The following RBFOX3 variants were observed in gnomAD, a reference collection of about 807,000 sequenced individuals.
RBFOX3 encodes RNA binding protein fox-1 homolog 3.
In RBFOX3, 17 loss-of-function variants were observed where a neutral mutation model predicts 48.7. The observed-to-expected ratio is 0.35, with a 90% CI of 0.24 to 0.52. The LOEUF (loss-of-function observed/expected upper bound fraction) is 0.52, where lower values mean the gene tolerates loss of function less well. RBFOX3 is among the 20% of genes least tolerant of loss of function. The probability of loss-of-function intolerance (pLI) is 0.94; values close to 1 mark genes in which losing one functional copy is unlikely to be tolerated. For synonymous variants in RBFOX3, 212 were observed against 209.5 expected, an observed-to-expected ratio of 1.01 and a Z score of -0.10; for missense variants, 382 against 497.5, an observed-to-expected ratio of 0.77 and a Z score of 2.21.
intron 4 of RBFOX3, among the ~76,000 whole-genome samples, chr17:79,121,720 T>A (rs947095653): frequency 1.6e-4 from 25 of 152,200 alleles, no homozygotes; most frequent in African/African-American, 6.0e-4. Context: ...GGAAGCTTCA[T>A]CTGCATTGCT....
At chr17:79,656,036 C>T in the RBFOX3 span, among the ~76,000 whole-genome samples, 1 of 152,162 alleles carries the variant, frequency 6.6e-6, no homozygotes, top group African/African-American at 2.4e-5. Flanking sequence ...GGCTGGGCTC[C>T]CCGTCCCTGC....
At position 79,413,589 on chromosome 17, in the gene RBFOX3, G is replaced by A. The variant is rs535283979; in HGVS notation, c.-175+68865C>T. Among the ~76,000 whole-genome samples, 42 of 152,378 alleles carry A rather than the reference G, an allele frequency of 2.8e-4. 1 individual carries two copies. In the South Asian group the frequency reaches 7.9e-3, roughly 29 times the overall value. On this transcript the variant is annotated intron_variant, in intron 2 of 14. Transcript: ENST00000693108. The stretch of plus-strand genomic sequence containing the variant: ...GGAGCAGGTTTCCACCTGGAGCGTG[G>A]AGACTCTGAAGCCAGTGGGAAGGAG...
chr17:79,590,398 A>G (rs1430863448), intron 1 of RBFOX3, among the ~76,000 whole-genome samples: 1 of 152,222 alleles, frequency 6.6e-6, no homozygotes, highest in Non-Finnish European at 1.5e-5. Context: ...TAAAAGGCAC[A>G]TGGATATTCC....
intron 2 of RBFOX3, among the ~76,000 whole-genome samples, chr17:79,442,007 T>G (rs1390494308): frequency 6.6e-6 from 1 of 151,754 alleles, no homozygotes; most frequent in African/African-American, 2.4e-5. Context: ...TACTCTGGGC[T>G]CCAGCCCCAA....
At chr17:79,426,957 G>T (rs1474302611) in intron 2 of RBFOX3, among the ~76,000 whole-genome samples, 1 of 152,138 alleles carries the variant, frequency 6.6e-6, no homozygotes, top group Non-Finnish European at 1.5e-5. Flanking sequence ...ACCCGCCTCG[G>T]CCTCCCAAAT....
intron 2 of RBFOX3, among the ~76,000 whole-genome samples, chr17:79,328,740 A>G (rs1475374564): frequency 6.6e-6 from 1 of 152,170 alleles, no homozygotes. Context: ...CCACCCGGAG[A>G]CATTTGGCTT....
At chr17:79,344,578 G>A (rs970879559) in intron 2 of RBFOX3, among the ~76,000 whole-genome samples, 23 of 96,480 alleles carry the variant, frequency 2.4e-4, no homozygotes, top group African/African-American at 5.9e-4. Context: ...TTTAGAAGAC[G>A]GAGTCTCACT....
chr17:79,231,995 C>T (rs1473133710), intron 4 of RBFOX3, among the ~76,000 whole-genome samples: 1 of 152,204 alleles, frequency 6.6e-6, no homozygotes, highest in East Asian at 1.9e-4. Context: ...GGGCGGAAGA[C>T]ACCTCTTCAC....
chr17:79,187,104 C>T (rs531268259), intron 4 of RBFOX3, among the ~76,000 whole-genome samples: 1 of 152,358 alleles, frequency 6.6e-6, no homozygotes, highest in African/African-American at 2.4e-5. Flanking sequence ...TACTAGACTC[C>T]AAGGTGGCCT....
At chr17:79,175,117 CAT>C (rs1383022213) in intron 4 of RBFOX3, among the ~76,000 whole-genome samples, 1 of 152,360 alleles carries the variant, frequency 6.6e-6, no homozygotes, top group African/African-American at 2.4e-5. Flanking sequence ...TCCCCACCCA[CAT>C]GATAACTCCG....
At chr17:79,258,752 C>A (rs1469667234) in intron 3 of RBFOX3, among the ~76,000 whole-genome samples, 1 of 152,132 alleles carries the variant, frequency 6.6e-6, no homozygotes, top group African/African-American at 2.4e-5. Flanking sequence ...TGCTGAAGAC[C>A]CTGTTCAGGA....
intron 2 of RBFOX3, among the ~76,000 whole-genome samples, chr17:79,393,617 G>A (rs138129374): frequency 6.7e-4 from 101 of 151,820 alleles, no homozygotes; most frequent in African/African-American, 2.1e-3. Flanking sequence ...CACATACATC[G>A]GAGCCGGTCA....
At chr17:79,631,039 G>A in the RBFOX3 span, among the ~76,000 whole-genome samples, 5 of 152,122 alleles carry the variant, frequency 3.3e-5, no homozygotes, top group African/African-American at 4.8e-5. Context: ...AAAGCAAGTC[G>A]TCTCTCCACT....
intron 1 of RBFOX3, among the ~76,000 whole-genome samples, chr17:79,512,581 GTT>G (rs2084512273): frequency 6.8e-6 from 1 of 146,722 alleles, no homozygotes; most frequent in Non-Finnish European, 1.5e-5. Flanking sequence ...CCAGATACAT[GTT>G]ACCATCGGGT....
At chr17:79,465,907 C>T (rs2076247556) in intron 2 of RBFOX3, among the ~76,000 whole-genome samples, 1 of 152,234 alleles carries the variant, frequency 6.6e-6, no homozygotes, top group African/African-American at 2.4e-5. Flanking sequence ...ACTCCTCCGG[C>T]TCCATCTGTC....
intron 1 of RBFOX3, among the ~76,000 whole-genome samples, chr17:79,527,615 C>T (rs1028342337): frequency 6.6e-6 from 1 of 152,228 alleles, no homozygotes; most frequent in Non-Finnish European, 1.5e-5. Flanking sequence ...ATTCCCTCCA[C>T]GGAGGCTTCT....
the RBFOX3 span, among the ~76,000 whole-genome samples, chr17:79,632,059 A>G: frequency 6.6e-6 from 1 of 152,242 alleles, no homozygotes; most frequent in Non-Finnish European, 1.5e-5. Context: ...GGAGACAGCG[A>G]GCCCTCCGCG....
intron 2 of RBFOX3, among the ~76,000 whole-genome samples, chr17:79,388,049 CAT>C (rs1265660304): frequency 1.5e-5 from 2 of 130,696 alleles, no homozygotes; most frequent in East Asian, 2.4e-4. Context: ...TGTGCATGTA[CAT>C]GTGTGCACTG....
chr17:79,649,794 G>A, the RBFOX3 span, among the ~76,000 whole-genome samples: 1 of 152,292 alleles, frequency 6.6e-6, no homozygotes, highest in East Asian at 1.9e-4. Context: ...GCATGATGCT[G>A]GCATCTGCTT....
Sources: allele counts gnomAD v4.1 joint callset (sites outside exome capture counted in the v4.1 genomes callset), GRCh38; gene constraint gnomAD v4.1.1; transcripts MANE v1.5; gene names NCBI Gene and HGNC (gene_info 2026-07-23, HGNC 2026-07-21).